Variants in DOCK4 observed in about 807,000 individuals in gnomAD.
DOCK4 encodes dedicator of cytokinesis protein 4.
In DOCK4, 97 loss-of-function variants were observed where a neutral mutation model predicts 268.1. The ratio of observed to expected loss-of-function variants is 0.36; its 90% CI spans 0.31 to 0.43. The LOEUF (loss-of-function observed/expected upper bound fraction) is 0.43, where lower values mean the gene tolerates loss of function less well. Ranked by LOEUF, DOCK4 falls within the 20% of genes least tolerant of loss-of-function variation. DOCK4 has a pLI of 1.00. For synonymous variants in DOCK4, 954 were observed against 887.2 expected, an observed-to-expected ratio of 1.08 and a Z score of -1.34; for missense variants, 2,145 against 2,455.7, an observed-to-expected ratio of 0.87 and a Z score of 2.67.
intron 42 of DOCK4, among the ~76,000 whole-genome samples, chr7:111,751,240 A>G (rs371343957): frequency 7.9e-5 from 12 of 152,316 alleles, no homozygotes; most frequent in African/African-American, 2.9e-4. Flanking sequence ...AACATGTTAT[A>G]TGACTTCACT....
At chr7:111,906,629 C>A (rs965728149) in intron 13 of DOCK4, among the ~76,000 whole-genome samples, 1 of 152,042 alleles carries the variant, frequency 6.6e-6, no homozygotes, top group Non-Finnish European at 1.5e-5. Context: ...TGTTACCTTG[C>A]AGATGTGATT....
intron 36 of DOCK4, among the ~76,000 whole-genome samples, chr7:111,771,617 C>G (rs920051873): frequency 6.6e-6 from 1 of 152,178 alleles, no homozygotes; most frequent in Non-Finnish European, 1.5e-5. Context: ...GTTATTTTAA[C>G]AGGCATCTAG....
chr7:111,922,982 C>A (rs1264075234), intron 12 of DOCK4, among the ~76,000 whole-genome samples: 1 of 152,076 alleles, frequency 6.6e-6, no homozygotes, highest in African/African-American at 2.4e-5. Flanking sequence ...ATTTTATTCC[C>A]CCTTTTAAAT....
chr7:111,846,124 CA>C, intron 24 of DOCK4, among the ~76,000 whole-genome samples: 1 of 152,264 alleles, frequency 6.6e-6, no homozygotes, highest in African/African-American at 2.4e-5. Context: ...CTATCTCCAA[CA>C]ACTCCACTGA....
intron 1 of DOCK4, among the ~76,000 whole-genome samples, chr7:112,195,992 A>G (rs1587029514): frequency 6.6e-6 from 1 of 152,108 alleles, no homozygotes; most frequent in Non-Finnish European, 1.5e-5. Context: ...TGTAAATGTC[A>G]TGCTCTCCCC....
In DOCK4 at chr7:111,882,649, G is replaced by A. The variant is rs1411437322; in HGVS notation, c.1588-5463C>T. ...TTTTTTGAGACTGAGTTTCGCTCTT[G>A]TCACCCAGGCTGGAGTGCAATGGTG... On this transcript the variant is annotated intron_variant, in intron 16 of 52. Transcript: ENST00000428084. Among the ~76,000 whole-genome samples the A allele has an allele frequency of 2.0e-5, 3 of 151,962 alleles. No homozygotes were observed. In the East Asian group the frequency reaches 5.8e-4, roughly 29 times the overall value.
intron 45 of DOCK4, 51 bp from the exon 46 acceptor site, chr7:111,741,712 A>C (rs185317060): frequency 6.3e-7 from 1 of 1,591,580 alleles, no homozygotes; most frequent in African/African-American, 1.3e-5. Flanking sequence ...TTTGGGCAAA[A>C]TAACTTATGA....
At chr7:111,809,124 C>G (rs1328406035) in intron 29 of DOCK4, among the ~76,000 whole-genome samples, 177 bp downstream of exon 29, 1 of 152,164 alleles carries the variant, frequency 6.6e-6, no homozygotes, top group Non-Finnish European at 1.5e-5. Flanking sequence ...CAGGTCAAAA[C>G]AATGTGCAAA....
chr7:111,757,289 A>G (rs1797085291), intron 41 of DOCK4, among the ~76,000 whole-genome samples: 2 of 152,156 alleles, frequency 1.3e-5, no homozygotes, highest in South Asian at 4.1e-4. Context: ...AGTGACAGCC[A>G]CAACGAAATG....
Position 112,114,310 on chromosome 7 carries a change from C to A in DOCK4, c.37+91792G>T, listed in dbSNP as rs529280011. Among the ~76,000 whole-genome samples the A allele has an allele frequency of 4.4e-4, 67 of 152,174 alleles. 1 individual carries two copies. In the South Asian group the frequency reaches 0.013, roughly 29 times the overall value. On this transcript the variant is annotated intron_variant, in intron 1 of 52. Coordinates refer to ENST00000428084, the MANE Select transcript of DOCK4 (RefSeq NM_001363540.2). ...ATTATACAATATAAAAGTAAAAAGT[C>A]TAAAAGTGTTGGTATGCTGTTATGT...
chr7:111,818,653 C>T (rs767705926), intron 27 of DOCK4, among the ~76,000 whole-genome samples: 2 of 152,204 alleles, frequency 1.3e-5, no homozygotes, highest in Non-Finnish European at 2.9e-5. Context: ...TCCCTGGTTT[C>T]TCTTTGGTCT....
intron 25 of DOCK4, among the ~76,000 whole-genome samples, chr7:111,839,279 C>G (rs190899699): frequency 6.6e-6 from 1 of 152,234 alleles, no homozygotes; most frequent in Admixed American, 6.5e-5. Flanking sequence ...CTTAACTATG[C>G]CTTGACTTAA....
At chr7:112,205,556 G>T (rs1821329852) in intron 1 of DOCK4, among the ~76,000 whole-genome samples, 1 of 152,156 alleles carries the variant, frequency 6.6e-6, no homozygotes, top group Non-Finnish European at 1.5e-5. Context: ...GCTTGTCAGA[G>T]CGGCTCTCTC....
At chr7:111,935,736 T>G in intron 11 of DOCK4, 108 bp from the exon 12 acceptor site, 5 of 911,974 alleles carry the variant, frequency 5.5e-6, no homozygotes, top group African/African-American at 1.7e-5. Context: ...TGTACCTCCT[T>G]GAGGTCCCCA....
intron 1 of DOCK4, among the ~76,000 whole-genome samples, chr7:112,169,777 G>A (rs11764346): frequency 0.1 from 15,292 of 152,186 alleles, 955 homozygotes; most frequent in South Asian, 0.14. Context: ...AAATGTCATG[G>A]CTGATAAGGG....
intron 27 of DOCK4, chr7:111,819,983 T>C (rs1801855326): frequency 6.6e-6 from 1 of 152,238 alleles, no homozygotes; most frequent in Non-Finnish European, 1.5e-5. Context: ...CTTCCTAGTG[T>C]ATGCTCTTTA....
intron 8 of DOCK4, among the ~76,000 whole-genome samples, chr7:111,959,339 G>A (rs1796683806): frequency 6.6e-6 from 1 of 152,104 alleles, no homozygotes; most frequent in African/African-American, 2.4e-5. Flanking sequence ...CTACATTACT[G>A]CTCTGCTTTG....
chr7:112,053,968 G>A lies in DOCK4; in HGVS notation c.38-49837C>T, dbSNP rs149256810. On this transcript the variant is annotated intron_variant, in intron 1 of 52. Coordinates refer to ENST00000428084, the MANE Select transcript of DOCK4 (RefSeq NM_001363540.2). The stretch of plus-strand genomic sequence containing the variant: ...GCTTCTCGAACTCCCACTGTGTAAA[G>A]TCTCTGGGCATTTCTTATGAAGCAC... Among the ~76,000 whole-genome samples the A allele has an allele frequency of 2.4e-4, 37 of 152,246 alleles. No individual in the cohort carries two copies. In the East Asian group the frequency reaches 6.2e-3, roughly 25 times the overall value.
intron 1 of DOCK4, among the ~76,000 whole-genome samples, chr7:112,033,233 T>G (rs1341741663): frequency 6.6e-6 from 1 of 151,902 alleles, no homozygotes; most frequent in African/African-American, 2.4e-5. Flanking sequence ...AGAAAAAAAA[T>G]GGGCTAACAA....
Sources: allele counts gnomAD v4.1 joint callset (sites outside exome capture counted in the v4.1 genomes callset), GRCh38; gene constraint gnomAD v4.1.1; transcripts MANE v1.5; gene names NCBI Gene and HGNC (gene_info 2026-07-23, HGNC 2026-07-21).